Variants in PCSK5 observed in about 807,000 individuals in gnomAD.
The protein encoded by PCSK5 is proprotein convertase subtilisin/kexin type 5.
A neutral mutation model predicts 233.2 loss-of-function variants in PCSK5; 129 were observed. That is an observed-to-expected ratio of 0.55 (90% CI 0.48 to 0.64). The LOEUF (loss-of-function observed/expected upper bound fraction) is 0.64. Ranked by LOEUF, PCSK5 falls within the 30% of genes least tolerant of loss-of-function variation. PCSK5 has a pLI of 0.00. For missense variants in PCSK5, 2,076 were observed against 2,430.1 expected (o/e 0.85, Z 3.06); for synonymous variants, 825 against 879.2 (o/e 0.94, Z 1.09).
At chr9:76,033,117 A>T (rs568719590) in intron 5 of PCSK5, among the ~76,000 whole-genome samples, 1 of 152,328 alleles carries the variant, frequency 6.6e-6, no homozygotes, top group South Asian at 2.1e-4. Flanking sequence ...CAGAAACCAA[A>T]ATGTGTCCTT....
At chr9:75,986,267 G>A in intron 3 of PCSK5, 22 bp downstream of exon 3, 1 of 1,374,942 alleles carries the variant, frequency 7.3e-7, no homozygotes, top group South Asian at 1.2e-5. Flanking sequence ...AAGGAAGCCT[G>A]GCCTAGGGCC....
At chr9:76,095,764 T>C in intron 7 of PCSK5, 126 bp from the exon 8 acceptor site, 1 of 781,004 alleles carries the variant, frequency 1.3e-6, no homozygotes, top group Non-Finnish European at 2.2e-6. Context: ...CAGAAGCTGC[T>C]TAAGCCCAGC....
intron 12 of PCSK5, among the ~76,000 whole-genome samples, chr9:76,168,884 C>A (rs1441392070): frequency 1.3e-5 from 2 of 152,212 alleles, no homozygotes; most frequent in Non-Finnish European, 2.9e-5. Context: ...CTCCCCAGCC[C>A]CTGGCAACCA....
At chr9:76,060,145 T>C (rs914590751) in intron 5 of PCSK5, among the ~76,000 whole-genome samples, 1 of 152,150 alleles carries the variant, frequency 6.6e-6, no homozygotes, top group African/African-American at 2.4e-5. Context: ...GAATGTACAC[T>C]TGACCCTTGA....
chr9:75,941,991 A>G (rs1329377873), intron 2 of PCSK5, among the ~76,000 whole-genome samples: 1 of 152,258 alleles, frequency 6.6e-6, no homozygotes, highest in Non-Finnish European at 1.5e-5. Context: ...CAAGGCTGCC[A>G]AATCTTTATT....
At chr9:76,125,019 TCAC>T (rs1321229491) in intron 9 of PCSK5, among the ~76,000 whole-genome samples, 2 of 152,142 alleles carry the variant, frequency 1.3e-5, no homozygotes, top group Non-Finnish European at 1.5e-5. Context: ...CTCTTTTTTC[TCAC>T]CACCACTTTT....
At chr9:75,980,779 T>G (rs1162131710) in intron 2 of PCSK5, among the ~76,000 whole-genome samples, 1 of 151,990 alleles carries the variant, frequency 6.6e-6, no homozygotes, top group Non-Finnish European at 1.5e-5. Context: ...TTAGCTTTGA[T>G]GTTTTGATCA....
At chr9:76,281,497 C>T (rs1377114529) in intron 24 of PCSK5, among the ~76,000 whole-genome samples, 1 of 144,626 alleles carries the variant, frequency 6.9e-6, no homozygotes, top group Non-Finnish European at 1.5e-5. Context: ...ACCTACTGCT[C>T]AGACAAAAGA....
chr9:76,297,509 C>T (rs1166931558), intron 27 of PCSK5, among the ~76,000 whole-genome samples: 1 of 152,174 alleles, frequency 6.6e-6, no homozygotes, highest in Non-Finnish European at 1.5e-5. Context: ...CCTGCAGGTG[C>T]TCATTCCTCC....
In PCSK5 at chr9:75,986,116, A is replaced by G. The variant is rs747437930; in HGVS notation, c.298-16A>G. 2 of 1,459,740 alleles carry G rather than the reference A, an allele frequency of 1.4e-6. No individual in the cohort carries two copies. Among genetic ancestry groups the G allele is most frequent in the Admixed American group, 1.7e-5 (1 of 59,816 alleles). The allele number at this position is 1,459,740 out of a possible 1,614,324, so 90.4% of individuals were successfully genotyped here. A position where few individuals can be genotyped will look rare whatever the true frequency, so the allele number is the denominator to read the frequency against. On this transcript the variant is annotated splice_polypyrimidine_tract_variant and intron_variant, in intron 2 of 37. Coordinates refer to ENST00000674117, the MANE Select transcript of PCSK5 (RefSeq NM_001372043.1). ...CTGATGGAACGTGAATACTCACCAA[A>G]TGTCCTTCTTGACAGGTGGAATGGA...
chr9:76,083,197 G>A (rs1213197461), intron 7 of PCSK5, among the ~76,000 whole-genome samples: 7 of 103,292 alleles, frequency 6.8e-5, no homozygotes, highest in Admixed American at 3.6e-4. Flanking sequence ...CAACAGAAGC[G>A]AGATCTCAAA....
intron 3 of PCSK5, among the ~76,000 whole-genome samples, chr9:76,013,173 A>G (rs749616879): frequency 6.6e-6 from 1 of 152,210 alleles, no homozygotes; most frequent in Non-Finnish European, 1.5e-5. Context: ...AATGTTTGAT[A>G]CCAAAAGTCT....
chr9:76,317,962 G>T (rs1331139032), intron 30 of PCSK5, among the ~76,000 whole-genome samples: 2 of 152,108 alleles, frequency 1.3e-5, no homozygotes, highest in East Asian at 3.9e-4. Flanking sequence ...ACTGAGTTTT[G>T]GGTTGGGATG....
chr9:75,952,353 C>T (rs1416070747), intron 2 of PCSK5, among the ~76,000 whole-genome samples: 1 of 152,216 alleles, frequency 6.6e-6, no homozygotes, highest in East Asian at 1.9e-4. Flanking sequence ...ACAAATTTCC[C>T]TTAAGCACCT....
intron 10 of PCSK5, among the ~76,000 whole-genome samples, chr9:76,155,816 C>T (rs1822551317): frequency 6.6e-6 from 1 of 152,110 alleles, no homozygotes; most frequent in African/African-American, 2.4e-5. Flanking sequence ...GCCAGGCCTT[C>T]AGGAACTTAT....
intron 14 of PCSK5, among the ~76,000 whole-genome samples, chr9:76,176,931 A>G (rs1400811788): frequency 6.6e-6 from 1 of 152,192 alleles, no homozygotes; most frequent in Non-Finnish European, 1.5e-5. Context: ...TAGCACTCCT[A>G]GGAGCATTCA....
chr9:76,197,102 A>G (rs1462024423), intron 20 of PCSK5, among the ~76,000 whole-genome samples: 1 of 152,226 alleles, frequency 6.6e-6, no homozygotes. Flanking sequence ...TGCTCCAGTT[A>G]CCAGTGAACT....
At chr9:76,099,256 C>G (rs1474213485) in intron 8 of PCSK5, among the ~76,000 whole-genome samples, 1 of 152,172 alleles carries the variant, frequency 6.6e-6, no homozygotes, top group Non-Finnish European at 1.5e-5. Flanking sequence ...TCTCTAGCTT[C>G]AGAGAGACCA....
intron 10 of PCSK5, among the ~76,000 whole-genome samples, chr9:76,146,921 C>T (rs551765674): frequency 6.6e-6 from 1 of 152,254 alleles, no homozygotes; most frequent in African/African-American, 2.4e-5. Context: ...TTATTAGCTA[C>T]TGTGTAATAA....
Sources: allele counts gnomAD v4.1 joint callset (sites outside exome capture counted in the v4.1 genomes callset), GRCh38; gene constraint gnomAD v4.1.1; transcripts MANE v1.5; gene names NCBI Gene and HGNC (gene_info 2026-07-23, HGNC 2026-07-21).